The following NMNAT2 variants were observed in gnomAD, a reference collection of about 807,000 sequenced individuals.
NMNAT2 encodes nicotinamide nucleotide adenylyltransferase 2.
In NMNAT2, 11 loss-of-function variants were observed where a neutral mutation model predicts 41.6. That is an observed-to-expected ratio of 0.26 (90% CI 0.17 to 0.44). NMNAT2 has a LOEUF of 0.44. Ranked by LOEUF, NMNAT2 falls within the 20% of genes least tolerant of loss-of-function variation. The pLI, the probability that NMNAT2 is intolerant of heterozygous loss-of-function variation, is 1.00. For missense variants in NMNAT2, 288 were observed against 407.7 expected (o/e 0.71, Z 2.53); for synonymous variants, 148 against 151.2 (o/e 0.98, Z 0.16).
chr1:183,402,375 A>G (rs1648835579), intron 1 of NMNAT2, among the ~76,000 whole-genome samples: 1 of 152,188 alleles, frequency 6.6e-6, no homozygotes, highest in African/African-American at 2.4e-5. Context: ...GACCATCTTG[A>G]CTAATCGGAT....
At chr1:183,344,138 T>C (rs902405861) in intron 1 of NMNAT2, among the ~76,000 whole-genome samples, 1 of 152,230 alleles carries the variant, frequency 6.6e-6, no homozygotes, top group Non-Finnish European at 1.5e-5. Flanking sequence ...AACATCATTT[T>C]CATCATCATT....
At chr1:183,334,753 G>A (rs200729839) in intron 1 of NMNAT2, among the ~76,000 whole-genome samples, 81 of 151,606 alleles carry the variant, frequency 5.3e-4, no homozygotes, top group South Asian at 4.2e-3. Flanking sequence ...CAAGTGATCC[G>A]CCCATCTCAG....
At chr1:183,386,794 A>G (rs1048999858) in intron 1 of NMNAT2, among the ~76,000 whole-genome samples, 4 of 152,126 alleles carry the variant, frequency 2.6e-5, no homozygotes, top group African/African-American at 7.2e-5. Context: ...ATCGCTAGTT[A>G]TAGGATAAAT....
intron 1 of NMNAT2, among the ~76,000 whole-genome samples, chr1:183,378,110 G>C (rs1414782663): frequency 6.6e-6 from 1 of 152,126 alleles, no homozygotes. Context: ...AATAAAAATA[G>C]TCTGGGTGCG....
At chr1:183,341,736 AAAAAAAAAAAAC>A (rs1662816509) in intron 1 of NMNAT2, among the ~76,000 whole-genome samples, 2 of 138,134 alleles carry the variant, frequency 1.4e-5, no homozygotes, top group African/African-American at 2.8e-5. Flanking sequence ...AAAAAAAAAA[AAAAAAAAAAAAC>A]CTGTTTCCTT....
rs187853890 is a variant in NMNAT2 at position 183,271,972 on chromosome 1, T to C, written c.651+6581A>G. On this transcript the variant is annotated intron_variant, in intron 8 of 10. Transcript: ENST00000287713. The stretch of plus-strand genomic sequence containing the variant: ...TTCACCATGTTGGCCAGGCTGGTTT[T>C]GAACTCCTGACCTTAGGTGATCCAC... Among the ~76,000 whole-genome samples the C allele has an allele frequency of 7.1e-3, 1,088 of 152,276 alleles. 10 individuals carry two copies. The highest frequency in any genetic ancestry group is 0.012 in the Non-Finnish European group (797 of 68,022).
chr1:183,395,207 C>T (rs1221779029), intron 1 of NMNAT2, among the ~76,000 whole-genome samples: 1 of 152,134 alleles, frequency 6.6e-6, no homozygotes, highest in Non-Finnish European at 1.5e-5. Flanking sequence ...TATGCAGGGG[C>T]ATGCTTGCAG....
chr1:183,323,005 C>T (rs1042940329), intron 1 of NMNAT2, among the ~76,000 whole-genome samples: 2 of 152,270 alleles, frequency 1.3e-5, no homozygotes, highest in African/African-American at 2.4e-5. Flanking sequence ...GATTTCGGCT[C>T]GCTGCAACCT....
At chr1:183,286,938 A>G in intron 4 of NMNAT2, 150 bp from the exon 5 acceptor site, 3 of 677,622 alleles carry the variant, frequency 4.4e-6, no homozygotes, top group Non-Finnish European at 4.7e-6. Flanking sequence ...CAGCTGCATC[A>G]TGTGGTCACT....
intron 3 of NMNAT2, 129 bp downstream of exon 3, chr1:183,292,661 G>T: frequency 3.8e-6 from 3 of 797,572 alleles, no homozygotes; most frequent in South Asian, 3.1e-5. Flanking sequence ...CCTCCACAAG[G>T]CTAATATCTT....
Position 183,357,065 on chromosome 1 carries a change from A to G in NMNAT2, c.85+61118T>C, listed in dbSNP as rs139438357. 1.2e-3 allele frequency among the ~76,000 whole-genome samples: 176 copies of G among 152,258 alleles called. 1 individual carries two copies. Among genetic ancestry groups the G allele is most frequent in the African/African-American group, 3.7e-3 (154 of 41,546 alleles). ...ACACAACACATGTCTCAAAAAGTTC[A>G]TAATGTATGATTTGGGACGGCTATG... On this transcript the variant is annotated intron_variant, in intron 1 of 10. Coordinates refer to ENST00000287713, the MANE Select transcript of NMNAT2 (RefSeq NM_015039.4).
chr1:183,265,085 T>C (rs1660773984), intron 8 of NMNAT2, among the ~76,000 whole-genome samples: 1 of 152,152 alleles, frequency 6.6e-6, no homozygotes, highest in African/African-American at 2.4e-5. Context: ...TGGAGGCTCA[T>C]GTATCAGCTG....
At chr1:183,368,998 C>A (rs1385404265) in intron 1 of NMNAT2, among the ~76,000 whole-genome samples, 1 of 152,132 alleles carries the variant, frequency 6.6e-6, no homozygotes, top group African/African-American at 2.4e-5. Context: ...TGCCTAATCA[C>A]GGGCATGGGG....
intron 1 of NMNAT2, among the ~76,000 whole-genome samples, chr1:183,337,057 G>A (rs1168890102): frequency 2.0e-5 from 3 of 152,152 alleles, no homozygotes; most frequent in Non-Finnish European, 4.4e-5. Context: ...TGCCTGGAAG[G>A]GAGCAGGGGA....
chr1:183,406,930 T>C (rs919038529), intron 1 of NMNAT2, among the ~76,000 whole-genome samples: 1 of 149,746 alleles, frequency 6.7e-6, no homozygotes, highest in Non-Finnish European at 1.5e-5. Flanking sequence ...GCAATTTTCC[T>C]GCCTCAGCCT....
chr1:183,347,653 G>A (rs1662962001), intron 1 of NMNAT2, among the ~76,000 whole-genome samples: 4 of 152,102 alleles, frequency 2.6e-5, no homozygotes, highest in Admixed American at 2.0e-4. Flanking sequence ...CTGGACATAG[G>A]AATTATTTAA....
At chr1:183,280,996 G>C (rs1477433302) in intron 7 of NMNAT2, among the ~76,000 whole-genome samples, 1 of 151,786 alleles carries the variant, frequency 6.6e-6, no homozygotes, top group African/African-American at 2.4e-5. Context: ...TGTTGGTCAG[G>C]GTGGTCTTGA....
At chr1:183,332,695 T>C (rs1571603442) in intron 1 of NMNAT2, among the ~76,000 whole-genome samples, 1 of 151,804 alleles carries the variant, frequency 6.6e-6, no homozygotes, top group African/African-American at 2.4e-5. Context: ...GGCAACATGC[T>C]AGCCAAGCCC....
intron 10 of NMNAT2, among the ~76,000 whole-genome samples, 181 bp from the exon 11 acceptor site, chr1:183,252,924 C>T (rs1041235250): frequency 6.6e-6 from 1 of 152,206 alleles, no homozygotes; most frequent in African/African-American, 2.4e-5. Context: ...TGACATCATT[C>T]ATCGTGGTTC....
Sources: allele counts gnomAD v4.1 joint callset (sites outside exome capture counted in the v4.1 genomes callset), GRCh38; gene constraint gnomAD v4.1.1; transcripts MANE v1.5; gene names NCBI Gene and HGNC (gene_info 2026-07-23, HGNC 2026-07-21).